NRG1: variants seen among roughly 807,000 people sequenced by gnomAD.
The protein encoded by NRG1 is pro-neuregulin-1, membrane-bound isoform.
A neutral mutation model predicts 63.8 loss-of-function variants in NRG1; 18 were observed. The ratio of observed to expected loss-of-function variants is 0.28; its 90% CI spans 0.19 to 0.42. The LOEUF is 0.42. Among genes scored for constraint, NRG1 ranks in the 10% least tolerant of loss-of-function variants. NRG1 has a pLI of 1.00. For missense variants in NRG1, 762 were observed against 814.7 expected (o/e 0.94, Z 0.79); for synonymous variants, 302 against 301.3 (o/e 1.00, Z -0.02).
intron 1 of NRG1, among the ~76,000 whole-genome samples, chr8:32,051,688 T>C (rs560222724): frequency 1.0e-3 from 154 of 149,524 alleles, no homozygotes; most frequent in Non-Finnish European, 2.0e-3. Flanking sequence ...GAATGCAGTG[T>C]TCAGGAACTA....
intron 1 of NRG1, among the ~76,000 whole-genome samples, chr8:31,903,995 T>G (rs1832315984): frequency 6.6e-6 from 1 of 152,122 alleles, no homozygotes; most frequent in Non-Finnish European, 1.5e-5. Context: ...TAATATCACT[T>G]TCAAAAATGT....
At chr8:31,993,163 G>A (rs1811371999) in intron 1 of NRG1, among the ~76,000 whole-genome samples, 1 of 151,984 alleles carries the variant, frequency 6.6e-6, no homozygotes, top group African/African-American at 2.4e-5. Flanking sequence ...GAGGGTGGTT[G>A]ATCAGTGTAG....
chr8:32,533,354 T>C (rs1339900272), intron 1 of NRG1, among the ~76,000 whole-genome samples: 1 of 152,106 alleles, frequency 6.6e-6, no homozygotes, highest in Non-Finnish European at 1.5e-5. Context: ...AAAATGGATT[T>C]AATTAGTTAT....
chr8:32,127,041 T>A (rs1358016393), intron 1 of NRG1, among the ~76,000 whole-genome samples: 1 of 151,924 alleles, frequency 6.6e-6, no homozygotes, highest in Non-Finnish European at 1.5e-5. Context: ...GGGTTTGGTC[T>A]CCATTTTGTA....
chr8:32,723,723 TG>T, intron 5 of NRG1, among the ~76,000 whole-genome samples: 1 of 111,774 alleles, frequency 8.9e-6, no homozygotes, highest in Non-Finnish European at 1.8e-5. Flanking sequence ...AAAAAACAAT[TG>T]TGGAAGGAGG....
At chr8:32,216,384 A>G (rs1031618485) in intron 1 of NRG1, among the ~76,000 whole-genome samples, 1 of 148,968 alleles carries the variant, frequency 6.7e-6, no homozygotes, top group Non-Finnish European at 1.5e-5. Context: ...TAGAAGCACT[A>G]TAGAAATGGC....
chr8:31,841,396 G>C (rs1826189806), intron 1 of NRG1, among the ~76,000 whole-genome samples: 1 of 152,090 alleles, frequency 6.6e-6, no homozygotes. Flanking sequence ...CAACATTCTA[G>C]AGAATTTAGA....
intron 1 of NRG1, among the ~76,000 whole-genome samples, chr8:32,044,853 A>C (rs1236445197): frequency 6.9e-6 from 1 of 145,552 alleles, no homozygotes; most frequent in Non-Finnish European, 1.5e-5. Flanking sequence ...ATGTTATGAG[A>C]AAATAAGTTC....
chr8:31,821,872 G>T lies in NRG1; in HGVS notation c.37+182441G>T, dbSNP rs188808012. Among the ~76,000 whole-genome samples, 1,496 of 152,288 alleles carry T rather than the reference G, an allele frequency of 9.8e-3. 18 individuals are homozygous for T. The highest frequency in any genetic ancestry group is 0.016 in the Non-Finnish European group (1,076 of 68,024). ...GTTGTGGGAATCATTGTTCTGAAGT[G>T]CATCCAAGATTAGAAGCCTGGTTTA... On this transcript the variant is annotated intron_variant, in intron 1 of 10. Coordinates refer to the NRG1 transcript ENST00000519301.
chr8:32,200,594 T>G (rs1843404591), intron 1 of NRG1, among the ~76,000 whole-genome samples: 1 of 152,190 alleles, frequency 6.6e-6, no homozygotes, highest in African/African-American at 2.4e-5. Flanking sequence ...TGAGAAGCAT[T>G]ATTTTGGAAG....
chr8:32,316,592 C>A lies in NRG1; in HGVS notation c.38-279236C>A, dbSNP rs191873825. On this transcript the variant is annotated intron_variant, in intron 1 of 10. Transcript: ENST00000519301. ...TCTCTCGTTTTGAACTTGGAGGAGACAGCAGCTCCCTTCTCCTTTTCATAC... is the reference window on the plus strand; with the variant it reads ...TCTCTCGTTTTGAACTTGGAGGAGAAAGCAGCTCCCTTCTCCTTTTCATAC... 4.0e-3 allele frequency among the ~76,000 whole-genome samples: 605 copies of A among 152,056 alleles called. 2 individuals carry two copies. The highest frequency in any genetic ancestry group is 6.0e-3 in the Non-Finnish European group (407 of 68,010).
At chr8:32,397,280 C>G (rs1259784799) in intron 1 of NRG1, among the ~76,000 whole-genome samples, 2 of 152,130 alleles carry the variant, frequency 1.3e-5, no homozygotes, top group Non-Finnish European at 2.9e-5. Flanking sequence ...GAGTGAAAAT[C>G]TGATTAACTT....
chr8:31,908,652 CACA>C (rs769147219), intron 1 of NRG1, among the ~76,000 whole-genome samples: 7 of 152,214 alleles, frequency 4.6e-5, no homozygotes, highest in South Asian at 2.1e-4. Flanking sequence ...CAGAACTTTG[CACA>C]ACAAGTTAAC....
At chr8:32,681,629 A>G (rs1219705355) in intron 5 of NRG1, among the ~76,000 whole-genome samples, 1 of 152,200 alleles carries the variant, frequency 6.6e-6, no homozygotes. Context: ...AAACCAAACA[A>G]CAAAACAGTT....
At chr8:31,941,204 C>G (rs1022780401) in intron 1 of NRG1, among the ~76,000 whole-genome samples, 3 of 152,096 alleles carry the variant, frequency 2.0e-5, no homozygotes, top group Admixed American at 2.0e-4. Context: ...CCACCATGAT[C>G]AAGTAGGTTT....
At position 32,181,599 on chromosome 8, in the gene NRG1, C is replaced by T. The variant is rs145556216; in HGVS notation, c.38-414229C>T. 9.9e-5 allele frequency among the ~76,000 whole-genome samples: 15 copies of T among 152,278 alleles called. No homozygotes were observed. The East Asian group carries it at 2.9e-3, about 29-fold the overall frequency. ...TCACTTCTACAAGGGGCACAGTGTC[C>T]AAGTCCTGACCTTTAATAAGAGATG... On this transcript the variant is annotated intron_variant, in intron 1 of 10. Transcript: ENST00000519301.
intron 1 of NRG1, among the ~76,000 whole-genome samples, chr8:32,174,913 C>G (rs556299188): frequency 6.6e-6 from 1 of 152,202 alleles, no homozygotes; most frequent in Non-Finnish European, 1.5e-5. Flanking sequence ...CAAGGAGGAG[C>G]TGGTACCATT....
intron 1 of NRG1, among the ~76,000 whole-genome samples, chr8:32,251,928 T>A (rs547941742): frequency 3.2e-4 from 49 of 152,306 alleles, no homozygotes; most frequent in African/African-American, 1.1e-3. Context: ...CCAGTGATGA[T>A]GAGTTGCATT....
Position 32,697,930 on chromosome 8 carries a change from A to G in NRG1, c.503-30019A>G, listed in dbSNP as rs192068760. Among the ~76,000 whole-genome samples, 6 of 152,310 alleles carry G rather than the reference A, an allele frequency of 3.9e-5. No homozygotes were observed. The East Asian group carries it at 9.7e-4, about 25-fold the overall frequency. On this transcript the variant is annotated intron_variant, in intron 5 of 11. Coordinates refer to ENST00000356819, the Ensembl canonical transcript of NRG1. ...GACATCAATATGCTGAAAAATGGCCAGGCATGGTGGTTCACGCCTGTAATC... is the reference window on the plus strand; with the variant it reads ...GACATCAATATGCTGAAAAATGGCCGGGCATGGTGGTTCACGCCTGTAATC...
Sources: gnomAD v4.1 joint callset for allele counts (sites outside exome capture counted in the v4.1 genomes callset) on GRCh38, gnomAD v4.1.1 for gene constraint, MANE v1.5 for transcripts, NCBI Gene and HGNC (gene_info 2026-07-23, HGNC 2026-07-21) for gene names.